The following ROCK1 variants were observed in gnomAD, a reference collection of about 807,000 sequenced individuals.
The protein encoded by ROCK1 is Rho associated coiled-coil containing protein kinase 1.
ROCK1 carries 36 observed loss-of-function variants against 196.8 expected under a neutral mutation model. The observed-to-expected ratio is 0.18, with a 90% confidence interval of 0.14 to 0.24. The LOEUF is 0.24. Among genes scored for constraint, ROCK1 ranks in the 10% least tolerant of loss-of-function variants. The pLI, the probability that ROCK1 is intolerant of heterozygous loss-of-function variation, is 1.00. For missense variants in ROCK1, 920 were observed against 1,562.0 expected, an observed-to-expected ratio of 0.59 and a Z score of 6.93; for synonymous variants, 443 against 515.9, an observed-to-expected ratio of 0.86 and a Z score of 1.91.
chr18:20,971,098 C>T (rs2035421655), intron 22 of ROCK1, among the ~76,000 whole-genome samples: 1 of 152,134 alleles, frequency 6.6e-6, no homozygotes, highest in Non-Finnish European at 1.5e-5. Flanking sequence ...TCAGAACTGA[C>T]ATTCAGACCA....
chr18:21,040,861 A>G lies in ROCK1; in HGVS notation c.959+1236T>C, dbSNP rs528675718. Among the ~76,000 whole-genome samples, 439 of 152,262 alleles carry G rather than the reference A, an allele frequency of 2.9e-3. 6 individuals carry two copies. Among genetic ancestry groups the G allele is most frequent in the African/African-American group, 9.9e-3 (412 of 41,550 alleles). ...AAAAATTGGCCAGGTGCGGTGGCTC[A>G]CACCTGTAATCCCAGCACTTTGGGA... On this transcript the variant is annotated intron_variant, in intron 8 of 32. Coordinates refer to ENST00000399799, the MANE Select transcript of ROCK1 (RefSeq NM_005406.3).
At chr18:21,080,860 T>C (rs1293698507) in intron 1 of ROCK1, among the ~76,000 whole-genome samples, 3 of 152,182 alleles carry the variant, frequency 2.0e-5, no homozygotes, top group Admixed American at 6.5e-5. Flanking sequence ...AGCCCCATGA[T>C]ATGTGAAGCA....
At chr18:20,978,018 G>C (rs1308830969) in intron 22 of ROCK1, among the ~76,000 whole-genome samples, 2 of 152,034 alleles carry the variant, frequency 1.3e-5, no homozygotes, top group African/African-American at 2.4e-5. Flanking sequence ...ATAATATACA[G>C]CTCTGCAACA....
chr18:20,981,604 C>T (rs2035534108), intron 21 of ROCK1, among the ~76,000 whole-genome samples: 1 of 152,066 alleles, frequency 6.6e-6, no homozygotes, highest in South Asian at 2.1e-4. Flanking sequence ...TTCTTTTTAA[C>T]TACCCTCTTC....
intron 4 of ROCK1, 92 bp downstream of exon 4, chr18:21,049,000 C>G: frequency 8.7e-7 from 1 of 1,152,172 alleles, no homozygotes; most frequent in Non-Finnish European, 1.1e-6. Context: ...CCAGTAAATT[C>G]TCTACTACTA....
chr18:21,100,796 C>T (rs1298904354), intron 1 of ROCK1, among the ~76,000 whole-genome samples: 2 of 152,036 alleles, frequency 1.3e-5, no homozygotes, highest in Non-Finnish European at 2.9e-5. Flanking sequence ...TCCACAAGCT[C>T]CTCTTTACTT....
chr18:20,967,716 T>C, intron 26 of ROCK1, 36 bp downstream of exon 26: 1 of 1,428,430 alleles, frequency 7.0e-7, no homozygotes, highest in Non-Finnish European at 9.5e-7. Flanking sequence ...AAAATAATCC[T>C]TCACACTCAT....
At chr18:20,961,703 T>C (rs866821116) in intron 27 of ROCK1, among the ~76,000 whole-genome samples, 1 of 152,124 alleles carries the variant, frequency 6.6e-6, no homozygotes, top group African/African-American at 2.4e-5. Context: ...GTACGTAATG[T>C]CTCCACACCT....
chr18:20,997,337 T>C (rs1191932015), intron 16 of ROCK1, among the ~76,000 whole-genome samples: 1 of 152,052 alleles, frequency 6.6e-6, no homozygotes, highest in African/African-American at 2.4e-5. Context: ...AAAAGAGCAG[T>C]AGCAGTTATA....
At chr18:21,106,605 AG>A (rs1201077672) in intron 1 of ROCK1, among the ~76,000 whole-genome samples, 2 of 152,256 alleles carry the variant, frequency 1.3e-5, no homozygotes, top group Non-Finnish European at 2.9e-5. Flanking sequence ...TTAGAAGATA[AG>A]GAAGTCCGGA....
chr18:20,959,489 G>C (rs941350618), intron 29 of ROCK1, among the ~76,000 whole-genome samples: 2 of 151,332 alleles, frequency 1.3e-5, no homozygotes, highest in African/African-American at 4.9e-5. Flanking sequence ...TGGGGTTACA[G>C]GTGTGAGTCA....
intron 2 of ROCK1, among the ~76,000 whole-genome samples, chr18:21,066,606 C>G (rs923920396): frequency 5.3e-5 from 8 of 152,180 alleles, no homozygotes; most frequent in Non-Finnish European, 1.0e-4. Flanking sequence ...TTTTCTAACT[C>G]CTGAAGTTTT....
intron 17 of ROCK1, among the ~76,000 whole-genome samples, chr18:20,991,582 A>G (rs746964962): frequency 9.2e-5 from 14 of 152,166 alleles, no homozygotes; most frequent in East Asian, 1.9e-4. Flanking sequence ...TCGGAAATGA[A>G]TAAGACAAAT....
intron 16 of ROCK1, among the ~76,000 whole-genome samples, chr18:20,996,390 A>T (rs947800726): frequency 6.6e-6 from 1 of 152,206 alleles, no homozygotes; most frequent in Non-Finnish European, 1.5e-5. Context: ...AAAAAGAATT[A>T]AAAAGAATGG....
chr18:21,042,715 A>G lies in ROCK1; in HGVS notation c.676-6T>C. The stretch of plus-strand genomic sequence containing the variant: ...TCACATCGTACCATGCCTTCCTAAA[A>G]AGCGCGGCAGGTCAAATTTTGAATT... On this transcript the variant is annotated splice_region_variant and splice_polypyrimidine_tract_variant and intron_variant, in intron 6 of 32. Transcript: ENST00000399799. The G allele has an allele frequency of 6.3e-7, 1 of 1,590,018 alleles. No homozygotes were observed. Among genetic ancestry groups the G allele is most frequent in the South Asian group, 1.2e-5 (1 of 86,660 alleles).
At chr18:21,007,752 T>C (rs2035780906) in intron 14 of ROCK1, among the ~76,000 whole-genome samples, 1 of 152,146 alleles carries the variant, frequency 6.6e-6, no homozygotes, top group Non-Finnish European at 1.5e-5. Context: ...CTAGACCAAT[T>C]AAATTAGAAT....
chr18:21,017,305 C>A (rs984055604), intron 12 of ROCK1, among the ~76,000 whole-genome samples: 1 of 150,720 alleles, frequency 6.6e-6, no homozygotes, highest in African/African-American at 2.4e-5. Context: ...CATTCTCCTG[C>A]CTCAGCCTCC....
chr18:20,998,056 C>T (rs1236020339), intron 16 of ROCK1, among the ~76,000 whole-genome samples: 2 of 151,918 alleles, frequency 1.3e-5, no homozygotes, highest in East Asian at 1.9e-4. Flanking sequence ...AGGCTGGTCT[C>T]GAACTTCTGA....
intron 16 of ROCK1, 21 bp downstream of exon 16, chr18:21,006,330 C>T: frequency 6.3e-7 from 1 of 1,580,740 alleles, no homozygotes; most frequent in Non-Finnish European, 8.6e-7. Context: ...TATATTTTAC[C>T]ACAATAAGAA....
Sources: gnomAD v4.1 joint callset for allele counts (sites outside exome capture counted in the v4.1 genomes callset) on GRCh38, gnomAD v4.1.1 for gene constraint, MANE v1.5 for transcripts, NCBI Gene and HGNC (gene_info 2026-07-23, HGNC 2026-07-21) for gene names.